Variants in UGT1A10 observed in about 807,000 individuals in gnomAD.
UGT1A10 encodes UDP-glucuronosyltransferase 1A10.
In UGT1A10, 49 loss-of-function variants were observed where a neutral mutation model predicts 45.8. That is an observed-to-expected ratio of 1.07 (90% confidence interval 0.85 to 1.36). UGT1A10 has a LOEUF of 1.36. Among genes scored for constraint, UGT1A10 ranks in the 40% most tolerant of loss-of-function variants. UGT1A10 has a pLI of 0.00. For synonymous variants in UGT1A10, 284 were observed against 249.7 expected, an observed-to-expected ratio of 1.14 and a Z score of -1.29; for missense variants, 745 against 668.6, an observed-to-expected ratio of 1.11 and a Z score of -1.26.
intron 1 of UGT1A10, among the ~76,000 whole-genome samples, chr2:233,733,966 G>A (rs1285977671): frequency 6.6e-6 from 1 of 152,042 alleles, no homozygotes; most frequent in Non-Finnish European, 1.5e-5. Context: ...TGGGGTAGGG[G>A]GAGCGGGGAG....
At chr2:233,654,391 T>C (rs555172242) in intron 1 of UGT1A10, among the ~76,000 whole-genome samples, 2 of 152,300 alleles carry the variant, frequency 1.3e-5, no homozygotes, top group African/African-American at 2.4e-5. Flanking sequence ...CCAAACCCTA[T>C]AGCATCTTGT....
intron 1 of UGT1A10, chr2:233,743,484 G>A (rs773869804): frequency 7.3e-7 from 1 of 1,367,080 alleles, no homozygotes; most frequent in Non-Finnish European, 9.8e-7. Flanking sequence ...GAAATTCACT[G>A]AAGGCAGAGA....
Position 233,672,094 on chromosome 2 carries a change from G to A in UGT1A10, c.855+34717G>A, listed in dbSNP as rs1173036460. 1.9e-6 allele frequency: 3 copies of A among 1,614,194 alleles called. No individual in the cohort carries two copies. The highest frequency in any genetic ancestry group is 8.5e-7 in the Non-Finnish European group (1 of 1,180,014). On this transcript the variant is annotated intron_variant, in intron 1 of 4. Transcript: ENST00000344644. ...GGAGAAACTCATTCTCAGGGGGCAT[G>A]AGGTGGTTGTAGTCATGCCAGAGGT...
chr2:233,692,987 A>T, intron 1 of UGT1A10: 1 of 1,613,680 alleles, frequency 6.2e-7, no homozygotes, highest in South Asian at 1.1e-5. Flanking sequence ...TACCGTTGTT[A>T]CTTTAACTCT....
chr2:233,699,546 A>G (rs1436120243), intron 1 of UGT1A10, among the ~76,000 whole-genome samples: 3 of 152,190 alleles, frequency 2.0e-5, no homozygotes, highest in Non-Finnish European at 4.4e-5. Flanking sequence ...CACATCATAG[A>G]GCCAGGTCAT....
At position 233,732,107 on chromosome 2, in the gene UGT1A10, C is replaced by A. The variant is rs564332248; in HGVS notation, c.856-34927C>A. Among the ~76,000 whole-genome samples the A allele has an allele frequency of 2.0e-5, 3 of 151,486 alleles. No individual in the cohort carries two copies. In the East Asian group the frequency reaches 5.8e-4, roughly 29 times the overall value. On this transcript the variant is annotated intron_variant, in intron 1 of 4. Coordinates refer to ENST00000344644, the MANE Select transcript of UGT1A10 (RefSeq NM_019075.4). The stretch of plus-strand genomic sequence containing the variant: ...TCTTTTGAGAAGTGTCTGTTCATAT[C>A]CTTTGCCCACTTTTTGATGAGGTTG...
At chr2:233,744,192 A>C (rs1389532681) in intron 1 of UGT1A10, among the ~76,000 whole-genome samples, 1 of 151,842 alleles carries the variant, frequency 6.6e-6, no homozygotes, top group East Asian at 1.9e-4. Flanking sequence ...CATGGTCTCC[A>C]AAAAGGATGG....
intron 1 of UGT1A10, among the ~76,000 whole-genome samples, chr2:233,721,044 CT>C (rs1475591591): frequency 6.6e-6 from 1 of 151,954 alleles, no homozygotes; most frequent in Non-Finnish European, 1.5e-5. Context: ...GAATTGAGCC[CT>C]TTTTTGTCAT....
intron 2 of UGT1A10, 50 bp from the exon 3 acceptor site, chr2:233,767,799 T>A (rs1699488429): frequency 6.2e-7 from 1 of 1,614,032 alleles, no homozygotes. Context: ...ATTTGTTTTC[T>A]AATCATATTA....
intron 1 of UGT1A10, among the ~76,000 whole-genome samples, chr2:233,645,650 A>G (rs1175470843): frequency 6.6e-6 from 1 of 152,218 alleles, no homozygotes; most frequent in East Asian, 1.9e-4. Context: ...AAGCTCCAAA[A>G]TGATCTCCTT....
intron 1 of UGT1A10, among the ~76,000 whole-genome samples, chr2:233,723,239 T>C (rs1575545383): frequency 9.2e-6 from 1 of 108,622 alleles, no homozygotes; most frequent in African/African-American, 4.6e-5. Flanking sequence ...TGAGTTGGAG[T>C]CCTGCTGTCA....
intron 1 of UGT1A10, among the ~76,000 whole-genome samples, chr2:233,727,911 G>A (rs1410482516): frequency 1.3e-5 from 2 of 152,196 alleles, no homozygotes; most frequent in Non-Finnish European, 2.9e-5. Context: ...AGAAGACACA[G>A]GGGCAGTGAG....
In UGT1A10 at chr2:233,719,323, C is replaced by G. The variant is rs760645007; in HGVS notation, c.856-47711C>G. On this transcript the variant is annotated intron_variant, in intron 1 of 4. Coordinates refer to ENST00000344644, the MANE Select transcript of UGT1A10 (RefSeq NM_019075.4). ...GTGCTGGCTAAGTACCTGTCGATTC[C>G]TGCTGTGTTTTTTTGGAGGTACATT... 1.2e-5 allele frequency: 20 copies of G among 1,613,830 alleles called. No individual in the cohort carries two copies. In the South Asian group the frequency reaches 2.2e-4, roughly 18 times the overall value.
chr2:233,716,677 G>A (rs2076519558), intron 1 of UGT1A10, among the ~76,000 whole-genome samples: 1 of 152,156 alleles, frequency 6.6e-6, no homozygotes, highest in African/African-American at 2.4e-5. Context: ...TTTACCCCAA[G>A]ATATAGTTTC....
intron 1 of UGT1A10, among the ~76,000 whole-genome samples, chr2:233,692,675 G>T (rs932907325): frequency 6.6e-6 from 1 of 152,174 alleles, no homozygotes; most frequent in Non-Finnish European, 1.5e-5. Context: ...TAGAGAATTG[G>T]CAGGGGGTCC....
At chr2:233,743,767 G>A (rs374421270) in intron 1 of UGT1A10, 102 of 1,367,178 alleles carry the variant, frequency 7.5e-5, no homozygotes, top group Admixed American at 1.9e-4. Flanking sequence ...CGTAGGCCTC[G>A]GCCACCTGCT....
chr2:233,738,999 G>A (rs907486973), intron 1 of UGT1A10: 14 of 152,246 alleles, frequency 9.2e-5, no homozygotes, highest in African/African-American at 2.7e-4. Flanking sequence ...TTGGTGCCCT[G>A]TGTCCCAGTG....
chr2:233,650,073 C>T (rs28969991), intron 1 of UGT1A10, among the ~76,000 whole-genome samples: 1,858 of 152,134 alleles, frequency 0.012, 51 homozygotes, highest in African/African-American at 0.042. Context: ...TGGGTTCAAG[C>T]GATTCACCTG....
chr2:233,707,729 C>T (rs1575486988), intron 1 of UGT1A10, among the ~76,000 whole-genome samples: 1 of 152,064 alleles, frequency 6.6e-6, no homozygotes, highest in South Asian at 2.1e-4. Flanking sequence ...AATGTTACAA[C>T]GAACATTCTT....
Sources: allele counts gnomAD v4.1 joint callset (sites outside exome capture counted in the v4.1 genomes callset), GRCh38; gene constraint gnomAD v4.1.1; transcripts MANE v1.5; gene names NCBI Gene and HGNC (gene_info 2026-07-23, HGNC 2026-07-21).